The following ACOT11 variants were observed in gnomAD, a reference collection of about 807,000 sequenced individuals.
ACOT11 encodes acyl-coenzyme A thioesterase 11.
In ACOT11, 69 loss-of-function variants were observed where a neutral mutation model predicts 77.5. The ratio of observed to expected loss-of-function variants is 0.89; its 90% CI spans 0.73 to 1.09. The LOEUF (loss-of-function observed/expected upper bound fraction) is 1.09, where lower values mean the gene tolerates loss of function less well. Ranked by LOEUF, ACOT11 falls within the 50% of genes least tolerant of loss-of-function variation. The probability of loss-of-function intolerance (pLI) is 0.00; values close to 1 mark genes in which losing one functional copy is unlikely to be tolerated. For synonymous variants in ACOT11, 279 were observed against 313.0 expected (o/e 0.89, Z 1.15); for missense variants, 766 against 813.7 (o/e 0.94, Z 0.71).
rs1352594274 is a variant in ACOT11, at chr1:54,608,043, G to T, written c.1604G>T (p.Trp535Leu). The T allele has an allele frequency of 3.1e-6, 5 of 1,611,690 alleles. No homozygotes were observed. Among genetic ancestry groups the T allele is most frequent in the Non-Finnish European group, 4.2e-6 (5 of 1,179,326 alleles). The stretch of plus-strand genomic sequence containing the variant: ...ACCCTCTGCTCAGGCTTCTGCCTCT[G>T]GCGCGAGGGGGACCAGCTGACCAAG... Reference protein sequence around the residue: ...GETLCSGFCLWREGDQLTKVS... With the variant: ...GETLCSGFCLLREGDQLTKVS... The change falls in exon 15 of 16, where the codon TGG becomes TTG. Residue 535 changes from tryptophan to leucine, a missense_variant. Physicochemically the swap from Trp to Leu is moderately conservative, Grantham distance 61 (BLOSUM62 -2). Transcript: ENST00000343744.
chr1:54,585,012 T>G, intron 2 of ACOT11, 150 bp downstream of exon 2: 1 of 879,962 alleles, frequency 1.1e-6, no homozygotes, highest in Non-Finnish European at 1.7e-6. Flanking sequence ...TGAAATGCCC[T>G]TCCTGATGTC....
rs1653037547 is a variant in ACOT11, at chr1:54,550,900, G to A, written c.33+2558G>A. On this transcript the variant is annotated intron_variant, in intron 1 of 15. Coordinates refer to ENST00000343744, the MANE Select transcript of ACOT11 (RefSeq NM_147161.4). ...CATGCCTGTAATCCCAGCACTTTGG[G>A]AGGCCGAGACGGGTGGATCACTTGA... Among the ~76,000 whole-genome samples the A allele has an allele frequency of 3.3e-5, 5 of 151,650 alleles. 1 individual carries two copies. In the South Asian group the frequency reaches 8.3e-4, roughly 25 times the overall value.
At chr1:54,567,993 C>T (rs542551879) in intron 1 of ACOT11, among the ~76,000 whole-genome samples, 1 of 152,338 alleles carries the variant, frequency 6.6e-6, no homozygotes, top group Non-Finnish European at 1.5e-5. Context: ...CTGGGACATA[C>T]AAGACCTTAG....
intron 7 of ACOT11, chr1:54,598,214 C>A (rs1272578944): frequency 2.0e-5 from 3 of 152,316 alleles, no homozygotes; most frequent in Admixed American, 2.0e-4. Context: ...CCTGGAGGAG[C>A]CTGATGGTCA....
intron 15 of ACOT11, among the ~76,000 whole-genome samples, chr1:54,629,058 C>CAAAAA (rs768933265): frequency 2.8e-5 from 1 of 36,010 alleles, no homozygotes; most frequent in African/African-American, 7.6e-5. Flanking sequence ...GACTCCGTCT[C>CAAAAA]AAAAAAAAAA....
chr1:54,548,423 A>G, intron 1 of ACOT11, 81 bp downstream of exon 1: 2 of 1,507,024 alleles, frequency 1.3e-6, no homozygotes, highest in Non-Finnish European at 1.8e-6. Flanking sequence ...ATTTTAACTC[A>G]GACGCTCTGC....
At chr1:54,598,250 C>G (rs1655535) in intron 7 of ACOT11, 57,294 of 152,288 alleles carry the variant, frequency 0.38, 12,927 homozygotes, top group Non-Finnish European at 0.52. Flanking sequence ...AGGAAGAGCA[C>G]TTCAGCTGGG....
chr1:54,582,014 A>G (rs1452838855), intron 1 of ACOT11, among the ~76,000 whole-genome samples: 1 of 152,192 alleles, frequency 6.6e-6, no homozygotes, highest in Non-Finnish European at 1.5e-5. Context: ...GCTCCAGCCC[A>G]CGGCTTCTGC....
chr1:54,573,881 T>C (rs1654008295), intron 1 of ACOT11, among the ~76,000 whole-genome samples: 1 of 151,860 alleles, frequency 6.6e-6, no homozygotes, highest in African/African-American at 2.4e-5. Context: ...TACAAAAAAT[T>C]AGCCGGGCGT....
In ACOT11 at chr1:54,605,105, G is replaced by C. The variant is rs1413798945; in HGVS notation, c.1266G>C (p.Lys422Asn). 1.9e-6 allele frequency: 3 copies of C among 1,613,934 alleles called. No individual in the cohort carries two copies. The highest frequency in any genetic ancestry group is 3.3e-5 in the Admixed American group (2 of 60,022). Residue 422 changes from lysine to asparagine, a missense_variant, in exon 13 of 16, where the codon AAG (lysine) becomes AAC (asparagine). By Grantham distance (94) the Lys-to-Asn change is moderately conservative. Transcript: ENST00000343744. ...QVRLYTLEDD[K>N]FLSFHMEMVV... The stretch of plus-strand genomic sequence containing the variant: ...GCCTGTACACTCTGGAGGATGACAA[G>C]TTCCTCTCCTTCCACATGGAGATGG...
intron 1 of ACOT11, among the ~76,000 whole-genome samples, chr1:54,583,282 C>T (rs190529268): frequency 1.1e-4 from 17 of 152,236 alleles, no homozygotes; most frequent in East Asian, 3.9e-4. Context: ...ACCCATAAGC[C>T]GTTCTGGGTC....
intron 5 of ACOT11, 146 bp downstream of exon 5, chr1:54,594,185 C>T: frequency 2.9e-6 from 2 of 696,296 alleles, no homozygotes; most frequent in Non-Finnish European, 4.7e-6. Flanking sequence ...TGAGGAAGGC[C>T]CACCCCTCAT....
At chr1:54,636,695 T>C (rs1431775245) in exon 17 of ACOT11, 2 of 150,790 alleles carry the variant, frequency 1.3e-5, no homozygotes, top group African/African-American at 4.8e-5. Context: ...TGGTCAGGTC[T>C]TTCCCTTCCC....
chr1:54,613,628 G>GT (rs1013819001), downstream of ACOT11, among the ~76,000 whole-genome samples: 1 of 152,020 alleles, frequency 6.6e-6, no homozygotes, highest in Admixed American at 6.6e-5. Context: ...AAATATTTTA[G>GT]TTTTTTTCTT....
At position 54,550,711 on chromosome 1, in the gene ACOT11, C is replaced by T. The variant is rs189814032; in HGVS notation, c.33+2369C>T. On this transcript the variant is annotated intron_variant, in intron 1 of 15. Coordinates refer to ENST00000343744, the MANE Select transcript of ACOT11 (RefSeq NM_147161.4). ...GTGTGCACCTGTGGACCCAGCTACT[C>T]GGGAGGCTGAGGTGGGAGGATCACT... Among the ~76,000 whole-genome samples, 13 of 150,982 alleles carry T rather than the reference C, an allele frequency of 8.6e-5. No individual in the cohort carries two copies. The East Asian group carries it at 1.2e-3, about 14-fold the overall frequency.
At chr1:54,585,382 G>A (rs1459516343) in intron 2 of ACOT11, among the ~76,000 whole-genome samples, 1 of 152,174 alleles carries the variant, frequency 6.6e-6, no homozygotes, top group Non-Finnish European at 1.5e-5. Flanking sequence ...ATGCCTGAGG[G>A]GCTAAGGCAC....
At chr1:54,619,032 GGTCATTCT>G (rs1232830741) in intron 15 of ACOT11, among the ~76,000 whole-genome samples, 4 of 152,060 alleles carry the variant, frequency 2.6e-5, no homozygotes, top group Non-Finnish European at 4.4e-5. Flanking sequence ...TGGTTGATTT[GGTCATTCT>G]ACCAGCCCTC....
At chr1:54,581,816 C>G (rs551473997) in intron 1 of ACOT11, among the ~76,000 whole-genome samples, 1 of 152,206 alleles carries the variant, frequency 6.6e-6, no homozygotes, top group Admixed American at 6.5e-5. Flanking sequence ...GCTCTGGAGC[C>G]CCATTGGCCA....
At chr1:54,564,331 G>C (rs887124441) in intron 1 of ACOT11, among the ~76,000 whole-genome samples, 1 of 152,272 alleles carries the variant, frequency 6.6e-6, no homozygotes, top group East Asian at 1.9e-4. Context: ...AGCCTGGTAG[G>C]TCAGTGCTTG....
Sources: allele counts gnomAD v4.1 joint callset (sites outside exome capture counted in the v4.1 genomes callset), GRCh38; gene constraint gnomAD v4.1.1; transcripts MANE v1.5; gene names NCBI Gene and HGNC (gene_info 2026-07-23, HGNC 2026-07-21).